PTPN13: variants seen among roughly 807,000 people sequenced by gnomAD.
PTPN13 encodes tyrosine-protein phosphatase non-receptor type 13.
In PTPN13, 191 loss-of-function variants were observed where a neutral mutation model predicts 284.0. The ratio of observed to expected loss-of-function variants is 0.67; its 90% confidence interval spans 0.60 to 0.76. The LOEUF (loss-of-function observed/expected upper bound fraction) is 0.76, where lower values mean the gene tolerates loss of function less well. Ranked by LOEUF, PTPN13 falls within the 30% of genes least tolerant of loss-of-function variation. PTPN13 has a pLI of 0.00. For synonymous variants in PTPN13, 986 were observed against 1,022.3 expected (o/e 0.96, Z 0.68); for missense variants, 2,797 against 2,939.9 (o/e 0.95, Z 1.12).
chr4:86,622,332 G>A (rs935284181), intron 1 of PTPN13, among the ~76,000 whole-genome samples: 2 of 152,110 alleles, frequency 1.3e-5, no homozygotes, highest in African/African-American at 4.8e-5. Flanking sequence ...AAAACATACT[G>A]TAGTTTTGAG....
intron 26 of PTPN13, among the ~76,000 whole-genome samples, chr4:86,765,973 G>A (rs1050172202): frequency 7.9e-5 from 12 of 152,032 alleles, no homozygotes; most frequent in African/African-American, 2.4e-4. Flanking sequence ...GACTACAGGC[G>A]CCCACCACCA....
At chr4:86,641,573 C>G (rs1304014522) in intron 2 of PTPN13, among the ~76,000 whole-genome samples, 1 of 152,188 alleles carries the variant, frequency 6.6e-6, no homozygotes, top group East Asian at 1.9e-4. Flanking sequence ...ATAATGATAT[C>G]TAAGCATGGC....
chr4:86,744,947 C>A lies in PTPN13; in HGVS notation c.2488-19C>A, dbSNP rs778689134. ...TCTCTACTTACTATAATTATGAATA[C>A]CCTTGGTTAATATTGTAGAAAAAGA... is the stretch of plus-strand genomic sequence containing the variant. On this transcript the variant is annotated intron_variant, in intron 16 of 47. Transcript: ENST00000411767. The A allele has an allele frequency of 8.0e-6, 12 of 1,499,874 alleles. No homozygotes were observed. Among genetic ancestry groups the A allele is most frequent in the Non-Finnish European group, 1.1e-5 (12 of 1,101,716 alleles). 92.9% of individuals were successfully genotyped at this position (1,499,874 alleles called of 1,614,324 possible). A position where few individuals can be genotyped will look rare whatever the true frequency, so the allele number is the denominator to read the frequency against.
intron 2 of PTPN13, among the ~76,000 whole-genome samples, chr4:86,649,039 A>G (rs532052584): frequency 1.3e-5 from 2 of 152,164 alleles, no homozygotes; most frequent in South Asian, 2.1e-4. Context: ...AGAAATGTCT[A>G]TTCAGATCCT....
rs965582876 is a variant in PTPN13 at position 86,807,822 on chromosome 4, A to G, written c.7008A>G (p.Arg2336=). 2.1e-5 allele frequency: 34 copies of G among 1,613,916 alleles called. No individual in the cohort carries two copies. The highest frequency in any genetic ancestry group is 2.6e-5 in the Non-Finnish European group (31 of 1,179,900). Residue 2336 remains arginine, a synonymous_variant, in exon 45 of 48, where the codon AGA becomes AGG. Transcript: ENST00000411767. ...ILGKTTMVSN[R]LRLALVRMQQ... The stretch of plus-strand genomic sequence containing the variant: ...GCAAAACAACAATGGTCAGCAACAG[A>G]CTTCGACTGGCTCTTGTGAGAATGC...
At chr4:86,761,996 A>T (rs1426733616) in intron 23 of PTPN13, among the ~76,000 whole-genome samples, 1 of 152,096 alleles carries the variant, frequency 6.6e-6, no homozygotes, top group East Asian at 1.9e-4. Flanking sequence ...GTTCTTTGAG[A>T]CAGTCTTGCC....
chr4:86,714,697 C>T (rs1048270718), intron 7 of PTPN13, among the ~76,000 whole-genome samples: 1 of 152,148 alleles, frequency 6.6e-6, no homozygotes, highest in African/African-American at 2.4e-5. Flanking sequence ...AAATAGTTGT[C>T]TTAAAGGTCA....
At chr4:86,703,136 T>TA (rs1263158726) in intron 7 of PTPN13, among the ~76,000 whole-genome samples, 1 of 152,088 alleles carries the variant, frequency 6.6e-6, no homozygotes, top group African/African-American at 2.4e-5. Flanking sequence ...AGTTAATTGA[T>TA]ATGGGTTCCG....
intron 23 of PTPN13, among the ~76,000 whole-genome samples, chr4:86,761,170 A>ATATATATG (rs60263343): frequency 6.9e-6 from 1 of 144,314 alleles, no homozygotes; most frequent in African/African-American, 2.5e-5. Flanking sequence ...ATATATATAT[A>ATATATATG]AACACAACAC....
intron 3 of PTPN13, among the ~76,000 whole-genome samples, chr4:86,675,555 T>A (rs1184432642): frequency 6.6e-6 from 1 of 152,194 alleles, no homozygotes. Context: ...TCTTGATACA[T>A]GACAATGTTC....
intron 37 of PTPN13, among the ~76,000 whole-genome samples, chr4:86,783,835 G>T (rs1741604963): frequency 6.6e-6 from 1 of 151,636 alleles, no homozygotes; most frequent in Admixed American, 6.6e-5. Flanking sequence ...TCCATGAAGT[G>T]CTTTACAGTT....
chr4:86,628,490 A>ATTT (rs55718911), intron 1 of PTPN13, among the ~76,000 whole-genome samples: 22,576 of 115,294 alleles, frequency 0.2, 2,009 homozygotes, highest in East Asian at 0.33. Context: ...TTTGTGGTTC[A>ATTT]TTTTTTTTTT....
intron 40 of PTPN13, among the ~76,000 whole-genome samples, chr4:86,791,132 C>A (rs952941908): frequency 2.6e-5 from 4 of 152,130 alleles, no homozygotes; most frequent in African/African-American, 9.7e-5. Flanking sequence ...AATGGTATAC[C>A]CCTGACCAAA....
chr4:86,751,974 T>A (rs1737444122), intron 19 of PTPN13, among the ~76,000 whole-genome samples: 1 of 152,126 alleles, frequency 6.6e-6, no homozygotes, highest in Non-Finnish European at 1.5e-5. Flanking sequence ...TATCTATATA[T>A]ATGCACCTTT....
intron 2 of PTPN13, among the ~76,000 whole-genome samples, chr4:86,656,232 T>G (rs538231959): frequency 6.6e-6 from 1 of 152,326 alleles, no homozygotes; most frequent in East Asian, 1.9e-4. Flanking sequence ...GAAGCCTTCT[T>G]CTCCCAACTC....
chr4:86,620,967 C>T lies in PTPN13; in HGVS notation c.-5-14285C>T, dbSNP rs1578267750. Among the ~76,000 whole-genome samples the T allele has an allele frequency of 2.0e-5, 3 of 152,294 alleles. No homozygotes were observed. In the East Asian group the frequency reaches 5.8e-4, roughly 29 times the overall value. On this transcript the variant is annotated intron_variant, in intron 1 of 47. Coordinates refer to ENST00000411767, the MANE Select transcript of PTPN13 (RefSeq NM_080683.3). Reference sequence around the variant, plus strand: ...TTAGGTATCTGTTGTCGCAAGAAGACTCACTCTGCTATTTTTATCTAGAAG... The same window carrying T: ...TTAGGTATCTGTTGTCGCAAGAAGATTCACTCTGCTATTTTTATCTAGAAG...
rs76534651 is a variant in PTPN13 at position 86,649,676 on chromosome 4, G to T, written c.115+14305G>T. ...CAGGTAATGTGATGCTTCCAGCTTT[G>T]TTCTTCTTGTTCAAGATTGCTCTGG... On this transcript the variant is annotated intron_variant, in intron 2 of 47. Transcript: ENST00000411767. Among the ~76,000 whole-genome samples, 29 of 152,178 alleles carry T rather than the reference G, an allele frequency of 1.9e-4. No individual in the cohort carries two copies. In the East Asian group the frequency reaches 5.6e-3, roughly 29 times the overall value.
intron 3 of PTPN13, among the ~76,000 whole-genome samples, chr4:86,682,733 T>A (rs1190127187): frequency 6.6e-6 from 1 of 152,232 alleles, no homozygotes; most frequent in African/African-American, 2.4e-5. Context: ...GTTACATCTT[T>A]GTATCAGTGA....
chr4:86,689,942 A>C, intron 5 of PTPN13: 2 of 471,884 alleles, frequency 4.2e-6, no homozygotes, highest in South Asian at 9.0e-5. Context: ...CAAATTTACC[A>C]CTGCCACACA....
Sources: gnomAD v4.1 joint callset for allele counts (sites outside exome capture counted in the v4.1 genomes callset) on GRCh38, gnomAD v4.1.1 for gene constraint, MANE v1.5 for transcripts, NCBI Gene and HGNC (gene_info 2026-07-23, HGNC 2026-07-21) for gene names.